The following IGF2BP3 variants were observed in gnomAD, a reference collection of about 807,000 sequenced individuals.
IGF2BP3 encodes the protein insulin like growth factor 2 mRNA binding protein 3.
Under a neutral mutation model 73.8 loss-of-function variants are expected in IGF2BP3, and 9 were observed. That is an observed-to-expected ratio of 0.12 (90% confidence interval 0.07 to 0.21). The LOEUF (loss-of-function observed/expected upper bound fraction) is 0.21, where lower values mean the gene tolerates loss of function less well. Ranked by LOEUF, IGF2BP3 falls within the 10% of genes least tolerant of loss-of-function variation. The pLI, the probability that IGF2BP3 is intolerant of heterozygous loss-of-function variation, is 1.00. For missense variants in IGF2BP3, 542 were observed against 714.0 expected (o/e 0.76, Z 2.75); for synonymous variants, 258 against 256.7 (o/e 1.01, Z -0.05).
intron 2 of IGF2BP3, among the ~76,000 whole-genome samples, chr7:23,455,809 C>T (rs1311090208): frequency 1.3e-5 from 2 of 152,164 alleles, no homozygotes; most frequent in Non-Finnish European, 2.9e-5. Flanking sequence ...CCTCAGCCTC[C>T]TGAGTAACTG....
rs1784437599 is a variant in IGF2BP3, at chr7:23,331,269, C to A, written c.1203+10795G>T. Among the ~76,000 whole-genome samples the A allele has an allele frequency of 2.0e-5, 3 of 152,058 alleles. No homozygotes were observed. The South Asian group carries it at 6.2e-4, about 31-fold the overall frequency. On this transcript the variant is annotated intron_variant, in intron 10 of 14. Coordinates refer to ENST00000258729, the MANE Select transcript of IGF2BP3 (RefSeq NM_006547.3). ...GTTTGTGCTCTTTGACTTAGAAGTT[C>A]TATTACATAAATTCTTAGAAGTATT...
intron 10 of IGF2BP3, among the ~76,000 whole-genome samples, chr7:23,319,860 T>C (rs1291566713): frequency 6.6e-6 from 1 of 152,184 alleles, no homozygotes; most frequent in Admixed American, 6.5e-5. Flanking sequence ...AGTGGTAAGA[T>C]GCCCTAAGAT....
At chr7:23,393,553 AG>A (rs1786352666) in intron 3 of IGF2BP3, among the ~76,000 whole-genome samples, 3 of 152,136 alleles carry the variant, frequency 2.0e-5, no homozygotes, top group African/African-American at 4.8e-5. Flanking sequence ...ACAGGCTGAG[AG>A]GGGTCAGTGG....
intron 11 of IGF2BP3, among the ~76,000 whole-genome samples, chr7:23,318,158 G>C (rs190177203): frequency 9.2e-4 from 140 of 152,184 alleles, no homozygotes; most frequent in African/African-American, 3.3e-3. Context: ...GGCTCCTTGG[G>C]CTTCCTGTGT....
intron 12 of IGF2BP3, among the ~76,000 whole-genome samples, chr7:23,317,343 T>C (rs945995430): frequency 6.6e-6 from 1 of 152,220 alleles, no homozygotes. Flanking sequence ...TTCCAAGGCA[T>C]ATTAACCTGG....
intron 3 of IGF2BP3, among the ~76,000 whole-genome samples, chr7:23,374,784 T>A (rs1785665696): frequency 6.6e-6 from 1 of 152,166 alleles, no homozygotes; most frequent in African/African-American, 2.4e-5. Flanking sequence ...CTTTTCTATA[T>A]TCCCTAAGTG....
intron 3 of IGF2BP3, among the ~76,000 whole-genome samples, chr7:23,387,387 GA>G (rs1037748832): frequency 6.6e-6 from 1 of 152,182 alleles, no homozygotes; most frequent in Non-Finnish European, 1.5e-5. Flanking sequence ...ACATGACAAT[GA>G]AATAGTGTCC....
chr7:23,453,948 C>T (rs1027518056), intron 2 of IGF2BP3, among the ~76,000 whole-genome samples: 2 of 152,114 alleles, frequency 1.3e-5, no homozygotes, highest in Non-Finnish European at 2.9e-5. Context: ...TGCCTCAGCC[C>T]CCCAGTTAGC....
chr7:23,395,433 T>G (rs772515210), intron 3 of IGF2BP3, among the ~76,000 whole-genome samples: 1 of 152,038 alleles, frequency 6.6e-6, no homozygotes, highest in Non-Finnish European at 1.5e-5. Flanking sequence ...CGAAAACATT[T>G]GTAAGAACTT....
At chr7:23,372,551 C>A (rs1179356570) in intron 3 of IGF2BP3, among the ~76,000 whole-genome samples, 1 of 152,176 alleles carries the variant, frequency 6.6e-6, no homozygotes, top group African/African-American at 2.4e-5. Flanking sequence ...ACTTAACTCC[C>A]ACTTATGAGT....
chr7:23,343,530 G>A (rs1212182239), intron 9 of IGF2BP3, among the ~76,000 whole-genome samples, 188 bp downstream of exon 9: 1 of 152,204 alleles, frequency 6.6e-6, no homozygotes, highest in Non-Finnish European at 1.5e-5. Flanking sequence ...TAAAGTCACA[G>A]AGACAGCAAA....
At chr7:23,400,828 C>T (rs1265235131) in intron 3 of IGF2BP3, among the ~76,000 whole-genome samples, 1 of 152,204 alleles carries the variant, frequency 6.6e-6, no homozygotes, top group Admixed American at 6.5e-5. Context: ...GAGATGGAGC[C>T]TTGCTCTGTG....
At chr7:23,431,682 A>G (rs1787682133) in intron 2 of IGF2BP3, among the ~76,000 whole-genome samples, 4 of 152,196 alleles carry the variant, frequency 2.6e-5, no homozygotes, top group African/African-American at 9.7e-5. Context: ...TAAAATAAAG[A>G]GATGTCCTTC....
intron 2 of IGF2BP3, among the ~76,000 whole-genome samples, chr7:23,457,048 CA>C (rs933331635): frequency 6.6e-6 from 1 of 150,904 alleles, no homozygotes; most frequent in Non-Finnish European, 1.5e-5. Flanking sequence ...GACTCTGTCT[CA>C]AAAAACAAAA....
intron 10 of IGF2BP3, among the ~76,000 whole-genome samples, chr7:23,339,840 T>C (rs976521180): frequency 6.6e-6 from 1 of 152,222 alleles, no homozygotes; most frequent in African/African-American, 2.4e-5. Flanking sequence ...GGGACACACC[T>C]GCCCTAAACC....
At chr7:23,328,872 A>C (rs934638138) in intron 10 of IGF2BP3, among the ~76,000 whole-genome samples, 1 of 152,214 alleles carries the variant, frequency 6.6e-6, no homozygotes, top group Non-Finnish European at 1.5e-5. Context: ...AAAACCAGAA[A>C]GGTCAGGCAG....
chr7:23,337,186 T>A (rs1159189382), intron 10 of IGF2BP3, among the ~76,000 whole-genome samples: 7 of 151,696 alleles, frequency 4.6e-5, no homozygotes, highest in Admixed American at 4.6e-4. Flanking sequence ...CAACTTGAAG[T>A]TATATACTCA....
At chr7:23,349,449 A>G (rs186967836) in intron 6 of IGF2BP3, among the ~76,000 whole-genome samples, 56 of 152,338 alleles carry the variant, frequency 3.7e-4, no homozygotes, top group African/African-American at 1.3e-3. Context: ...CTTAGGAGTC[A>G]TCTTCCCGGC....
intron 10 of IGF2BP3, among the ~76,000 whole-genome samples, chr7:23,322,473 T>C (rs927308943): frequency 6.6e-6 from 1 of 152,070 alleles, no homozygotes; most frequent in Non-Finnish European, 1.5e-5. Context: ...ACGGGGAGAA[T>C]GGAACCAAGT....
Sources: allele counts gnomAD v4.1 joint callset (sites outside exome capture counted in the v4.1 genomes callset), GRCh38; gene constraint gnomAD v4.1.1; transcripts MANE v1.5; gene names NCBI Gene and HGNC (gene_info 2026-07-23, HGNC 2026-07-21).